PPP2R2C: variants seen among roughly 807,000 people sequenced by gnomAD.
PPP2R2C encodes the protein protein phosphatase 2, regulatory subunit B, gamma.
In PPP2R2C, 10 loss-of-function variants were observed where a neutral mutation model predicts 45.3. The ratio of observed to expected loss-of-function variants is 0.22; its 90% CI spans 0.14 to 0.37. PPP2R2C has a LOEUF of 0.37. Ranked by LOEUF, PPP2R2C falls within the 10% of genes least tolerant of loss-of-function variation. PPP2R2C has a pLI of 1.00. For synonymous variants in PPP2R2C, 257 were observed against 245.4 expected (o/e 1.05, Z -0.44); for missense variants, 308 against 619.7 (o/e 0.50, Z 5.34).
chr4:6,550,928 G>A (rs1341848563), intron 1 of PPP2R2C, among the ~76,000 whole-genome samples: 2 of 152,206 alleles, frequency 1.3e-5, no homozygotes, highest in African/African-American at 2.4e-5. Context: ...TTACAGGCAT[G>A]AGCCACAGTG....
chr4:6,497,334 C>A lies in PPP2R2C; in HGVS notation c.49+37937G>T, dbSNP rs77606622. ...CGTGTGATATTGGTGCAAGGACAGA[C>A]AAACAGGCCCACAGAACAAAATGGA... On this transcript the variant is annotated intron_variant, in intron 2 of 9. Coordinates refer to the PPP2R2C transcript ENST00000506140. 7.6e-3 allele frequency among the ~76,000 whole-genome samples: 1,157 copies of A among 152,166 alleles called. 9 individuals carry two copies. Among genetic ancestry groups the A allele is most frequent in the African/African-American group, 0.027 (1,108 of 41,488 alleles).
intron 1 of PPP2R2C, among the ~76,000 whole-genome samples, chr4:6,417,621 A>G (rs1234077076): frequency 6.6e-6 from 1 of 152,126 alleles, no homozygotes; most frequent in Non-Finnish European, 1.5e-5. Flanking sequence ...CTGGATAAAC[A>G]TGTTCTCCTG....
At chr4:6,325,143 G>A (rs777649187) in intron 8 of PPP2R2C, among the ~76,000 whole-genome samples, 1 of 152,208 alleles carries the variant, frequency 6.6e-6, no homozygotes, top group Non-Finnish European at 1.5e-5. Context: ...CCGGATCCCA[G>A]CTCTGCCCTA....
At chr4:6,362,926 G>A (rs1016041938) in intron 5 of PPP2R2C, among the ~76,000 whole-genome samples, 1 of 151,998 alleles carries the variant, frequency 6.6e-6, no homozygotes, top group African/African-American at 2.4e-5. Flanking sequence ...GAAACTTACT[G>A]TGGCTTTGTT....
intron 1 of PPP2R2C, among the ~76,000 whole-genome samples, chr4:6,542,118 C>A (rs567508657): frequency 6.6e-6 from 1 of 152,306 alleles, no homozygotes; most frequent in South Asian, 2.1e-4. Flanking sequence ...GCTTAGGGAG[C>A]AGTGCGCTCA....
chr4:6,549,490 G>A (rs1321607460), intron 1 of PPP2R2C, among the ~76,000 whole-genome samples: 4 of 152,220 alleles, frequency 2.6e-5, no homozygotes, highest in Non-Finnish European at 4.4e-5. Flanking sequence ...AATCACAGAA[G>A]GTGAGGCCCT....
At chr4:6,481,717 G>A (rs1026934985) in intron 2 of PPP2R2C, among the ~76,000 whole-genome samples, 1 of 151,882 alleles carries the variant, frequency 6.6e-6, no homozygotes, top group Non-Finnish European at 1.5e-5. Context: ...GGTAACTCAC[G>A]CCTGTAATCC....
At chr4:6,550,475 G>A (rs905480650) in intron 1 of PPP2R2C, among the ~76,000 whole-genome samples, 6 of 152,140 alleles carry the variant, frequency 3.9e-5, no homozygotes, top group South Asian at 2.1e-4. Flanking sequence ...ACGCCAACCC[G>A]AAACACGTGC....
chr4:6,457,944 C>T (rs1270711277), intron 1 of PPP2R2C, among the ~76,000 whole-genome samples: 3 of 152,206 alleles, frequency 2.0e-5, no homozygotes, highest in East Asian at 1.9e-4. Flanking sequence ...GTTCCTTTAA[C>T]GTTTTTCCCA....
chr4:6,448,001 G>A (rs953414310), intron 1 of PPP2R2C, among the ~76,000 whole-genome samples: 2 of 152,142 alleles, frequency 1.3e-5, no homozygotes, highest in Non-Finnish European at 2.9e-5. Flanking sequence ...TTTTCAGGAA[G>A]CATAGGAGGA....
At chr4:6,382,697 A>C (rs1715932006) in intron 1 of PPP2R2C, 4 of 355,192 alleles carry the variant, frequency 1.1e-5, no homozygotes, top group South Asian at 1.1e-4. Flanking sequence ...ACACACACAC[A>C]CACACACACA....
chr4:6,553,713 G>T (rs1018116751), intron 1 of PPP2R2C, among the ~76,000 whole-genome samples: 1 of 152,184 alleles, frequency 6.6e-6, no homozygotes, highest in African/African-American at 2.4e-5. Flanking sequence ...GGTCTGTCAT[G>T]CTCCCATCTC....
At chr4:6,335,483 G>C (rs192142283) in intron 6 of PPP2R2C, among the ~76,000 whole-genome samples, 5 of 152,272 alleles carry the variant, frequency 3.3e-5, no homozygotes, top group African/African-American at 1.2e-4. Flanking sequence ...AGGGGGAACA[G>C]GGACGCAAGG....
intron 5 of PPP2R2C, among the ~76,000 whole-genome samples, chr4:6,356,719 T>C (rs769751316): frequency 2.4e-4 from 37 of 152,260 alleles, no homozygotes; most frequent in Non-Finnish European, 4.6e-4. Flanking sequence ...CGGCCTGTTC[T>C]GCCTGGCTGC....
chr4:6,436,876 A>G (rs1719922967), intron 1 of PPP2R2C, among the ~76,000 whole-genome samples: 1 of 132,626 alleles, frequency 7.5e-6, no homozygotes, highest in South Asian at 2.8e-4. Context: ...CAACCCTTAT[A>G]TAGACTATAA....
chr4:6,355,344 C>T (rs1249191469), intron 5 of PPP2R2C, among the ~76,000 whole-genome samples: 2 of 151,938 alleles, frequency 1.3e-5, no homozygotes, highest in Non-Finnish European at 2.9e-5. Flanking sequence ...GTGTGATATT[C>T]CCCTTCCTGT....
intron 2 of PPP2R2C, among the ~76,000 whole-genome samples, chr4:6,506,835 C>T (rs1560590549): frequency 1.3e-5 from 2 of 152,144 alleles, no homozygotes; most frequent in Admixed American, 6.5e-5. Flanking sequence ...GTCTGGTGGT[C>T]GATGCTGGCC....
At position 6,511,243 on chromosome 4, in the gene PPP2R2C, GTGATGCTGATGCTGATGC is replaced by G. The variant is rs79894855; in HGVS notation, c.49+24010_49+24027del. Among the ~76,000 whole-genome samples, 63 of 144,506 alleles carry G rather than the reference GTGATGCTGATGCTGATGC, an allele frequency of 4.4e-4. 2 individuals are homozygous for G. The highest frequency in any genetic ancestry group is 7.9e-4 in the African/African-American group (29 of 36,634). The allele number at this position is 144,506 out of a possible 152,430, so 94.8% of individuals were successfully genotyped here. On this transcript the variant is annotated intron_variant, in intron 2 of 9. Transcript: ENST00000506140. ...TCAGTACATGTTAGTCGTTCCGCTG[GTGATGCTGATGCTGATGC>G]TGATGCTGATGCTGATGCTGATGCT...
intron 1 of PPP2R2C, among the ~76,000 whole-genome samples, chr4:6,440,929 C>G (rs1394792277): frequency 6.6e-6 from 1 of 151,948 alleles, no homozygotes; most frequent in Non-Finnish European, 1.5e-5. Context: ...GGTGTGATAA[C>G]AGGAAAAATC....
Sources: allele counts gnomAD v4.1 joint callset (sites outside exome capture counted in the v4.1 genomes callset), GRCh38; gene constraint gnomAD v4.1.1; transcripts MANE v1.5; gene names NCBI Gene and HGNC (gene_info 2026-07-23, HGNC 2026-07-21).